ZNRF3: variants seen among roughly 807,000 people sequenced by gnomAD.
The protein encoded by ZNRF3 is zinc and ring finger 3.
ZNRF3 carries 23 observed loss-of-function variants against 72.5 expected under a neutral mutation model. That is an observed-to-expected ratio of 0.32 (90% CI 0.23 to 0.45). The LOEUF (loss-of-function observed/expected upper bound fraction) is 0.45. ZNRF3 is among the 20% of genes least tolerant of loss of function. The pLI is 1.00. For missense variants in ZNRF3, 1,169 were observed against 1,272.1 expected, an observed-to-expected ratio of 0.92 and a Z score of 1.23; for synonymous variants, 610 against 545.3, an observed-to-expected ratio of 1.12 and a Z score of -1.65.
chr22:29,050,607 C>T lies in ZNRF3; in HGVS notation c.2426C>T (p.Thr809Met), dbSNP rs1236517906. ...TEDYSVSVQY[T>M]LTEEPPPGCY... The stretch of plus-strand genomic sequence containing the variant: ...GACTACTCGGTGAGTGTGCAGTACA[C>T]GCTCACCGAGGAACCACCGCCCGGC... Residue 809 changes from threonine (T) to methionine (M), a missense_variant, in exon 8 of 9, where the codon ACG becomes ATG. Physicochemically the swap from Thr to Met is moderately conservative, Grantham distance 81. Around this residue, in one of 2 missense-constraint regions of ZNRF3, gnomAD observed 783 missense variants for 731.4 expected, o/e 1.07. Coordinates refer to ENST00000544604, the MANE Select transcript of ZNRF3 (RefSeq NM_001206998.2). The T allele has an allele frequency of 3.1e-6, 5 of 1,609,448 alleles. No individual in the cohort carries two copies. The highest frequency in any genetic ancestry group is 1.1e-5 in the South Asian group (1 of 90,672).
intron 1 of ZNRF3, among the ~76,000 whole-genome samples, chr22:28,915,987 G>A (rs548293657): frequency 4.3e-4 from 65 of 152,218 alleles, no homozygotes; most frequent in Non-Finnish European, 9.0e-4. Flanking sequence ...TACTTTTTTA[G>A]TTTTAGGAAA....
At chr22:29,003,239 G>A (rs556753616) in intron 2 of ZNRF3, among the ~76,000 whole-genome samples, 5 of 152,288 alleles carry the variant, frequency 3.3e-5, no homozygotes, top group South Asian at 2.1e-4. Context: ...TGTTTTGGCT[G>A]GGCGCAGTGG....
chr22:28,944,959 A>AAATAAATAAATAAT (rs1376464189), intron 1 of ZNRF3, among the ~76,000 whole-genome samples: 1 of 132,924 alleles, frequency 7.5e-6, no homozygotes, highest in East Asian at 2.1e-4. Context: ...ATAAATAAAT[A>AAATAAATAAATAAT]AATAATAATA....
At chr22:28,891,929 CTG>C (rs969710996) in intron 1 of ZNRF3, among the ~76,000 whole-genome samples, 1 of 152,160 alleles carries the variant, frequency 6.6e-6, no homozygotes, top group African/African-American at 2.4e-5. Flanking sequence ...ACATATATAA[CTG>C]TCACTCGATG....
intron 1 of ZNRF3, among the ~76,000 whole-genome samples, chr22:28,975,804 G>A (rs2035661608): frequency 6.6e-6 from 1 of 152,114 alleles, no homozygotes; most frequent in East Asian, 1.9e-4. Context: ...AATTGTGGGG[G>A]AAGGACATAA....
intron 2 of ZNRF3, among the ~76,000 whole-genome samples, chr22:28,990,432 C>T (rs1364338531): frequency 6.6e-6 from 1 of 152,148 alleles, no homozygotes; most frequent in Non-Finnish European, 1.5e-5. Context: ...CACTTGTAAT[C>T]CCAGCACTTT....
intron 1 of ZNRF3, among the ~76,000 whole-genome samples, chr22:28,885,427 T>C (rs2033762524): frequency 6.6e-6 from 1 of 152,176 alleles, no homozygotes; most frequent in Non-Finnish European, 1.5e-5. Context: ...TTAATGCTTT[T>C]GGACTTAAAA....
In ZNRF3 at chr22:28,947,905, C is replaced by T. The variant is rs1024292680; in HGVS notation, c.301-39171C>T. On this transcript the variant is annotated intron_variant, in intron 1 of 8. Transcript: ENST00000544604. ...CTGTCACCAGGTTGGAGTGCAGTGG[C>T]GTGATCTCGACTCACTGCAATCTCC... is the stretch of plus-strand genomic sequence containing the variant. Among the ~76,000 whole-genome samples the T allele has an allele frequency of 3.3e-5, 5 of 152,178 alleles. No individual in the cohort carries two copies. The South Asian group carries it at 6.2e-4, about 19-fold the overall frequency.
chr22:28,893,994 C>G (rs979892938), intron 1 of ZNRF3, among the ~76,000 whole-genome samples: 1 of 152,144 alleles, frequency 6.6e-6, no homozygotes, highest in Admixed American at 6.5e-5. Context: ...CTCTGTTGCC[C>G]AGGCTGGAGT....
intron 1 of ZNRF3, among the ~76,000 whole-genome samples, chr22:28,965,023 C>T (rs1310788395): frequency 6.6e-6 from 1 of 152,150 alleles, no homozygotes; most frequent in African/African-American, 2.4e-5. Context: ...CTCAACTGCG[C>T]CAAAGCTTTA....
At chr22:28,949,519 A>G (rs745462029) in intron 1 of ZNRF3, among the ~76,000 whole-genome samples, 80 of 152,230 alleles carry the variant, frequency 5.3e-4, no homozygotes, top group African/African-American at 1.6e-3. Context: ...AGCTCAAGCA[A>G]TCTTTCCACC....
intron 1 of ZNRF3, among the ~76,000 whole-genome samples, chr22:28,965,641 A>C (rs923541832): frequency 1.3e-5 from 2 of 152,234 alleles, no homozygotes; most frequent in Non-Finnish European, 2.9e-5. Flanking sequence ...GTTGAGCCTG[A>C]GTAGAAGGAA....
At chr22:28,901,489 CAG>C (rs1468716014) in intron 1 of ZNRF3, among the ~76,000 whole-genome samples, 2 of 152,152 alleles carry the variant, frequency 1.3e-5, no homozygotes, top group East Asian at 3.8e-4. Flanking sequence ...AGTTAGGGGA[CAG>C]AGACATCAAG....
Position 29,030,815 on chromosome 22 carries a change from G to C in ZNRF3, c.427-11680G>C, listed in dbSNP as rs2036734273. 6.6e-6 allele frequency among the ~76,000 whole-genome samples: 1 copy of C among 152,122 alleles called. No homozygotes were observed. The highest frequency in any genetic ancestry group is 6.5e-5 in the Admixed American group (1 of 15,280). ...GGGAGGAGGAGGGCTCCTGGCGCGGGGAGGAGCCGCGGGAGGGGGGATGTT... is the reference window on the plus strand; with the variant it reads ...GGGAGGAGGAGGGCTCCTGGCGCGGCGAGGAGCCGCGGGAGGGGGGATGTT... On this transcript the variant is annotated intron_variant, in intron 2 of 8. Transcript: ENST00000544604. This position sits in a 1 kb window ranked among gnomAD's most constrained non-coding sequence, Gnocchi z 4.2.
At chr22:28,970,747 T>TC (rs1264922388) in intron 1 of ZNRF3, among the ~76,000 whole-genome samples, 2 of 152,132 alleles carry the variant, frequency 1.3e-5, no homozygotes, top group South Asian at 2.1e-4. Context: ...GTTCTTCCCT[T>TC]CCCCCCAAAA....
At chr22:29,003,139 A>T (rs1454701822) in intron 2 of ZNRF3, among the ~76,000 whole-genome samples, 1 of 152,176 alleles carries the variant, frequency 6.6e-6, no homozygotes, top group African/African-American at 2.4e-5. Context: ...TTATGTTTTT[A>T]AAAATAAAAT....
At chr22:28,918,326 A>G (rs1034970980) in intron 1 of ZNRF3, among the ~76,000 whole-genome samples, 3 of 152,202 alleles carry the variant, frequency 2.0e-5, no homozygotes, top group Non-Finnish European at 2.9e-5. Flanking sequence ...AACCTGGTGA[A>G]GAATAAAACC....
At chr22:28,885,870 ATTCTC>A (rs886698216) in intron 1 of ZNRF3, among the ~76,000 whole-genome samples, 4 of 151,760 alleles carry the variant, frequency 2.6e-5, no homozygotes, top group Admixed American at 2.0e-4. Context: ...GAAGGAATCT[ATTCTC>A]TTCTGAAACT....
chr22:28,976,369 A>C (rs1447327070), intron 1 of ZNRF3, among the ~76,000 whole-genome samples: 2 of 152,112 alleles, frequency 1.3e-5, no homozygotes, highest in African/African-American at 4.8e-5. Context: ...TAAAAATACA[A>C]AAATTAGCTG....
Sources: allele counts gnomAD v4.1 joint callset (sites outside exome capture counted in the v4.1 genomes callset), GRCh38; gene constraint gnomAD v4.1.1; regional missense constraint gnomAD v4.1.1; non-coding constraint Gnocchi (gnomAD v3.1); transcripts MANE v1.5; gene names NCBI Gene and HGNC (gene_info 2026-07-23, HGNC 2026-07-21).